CLEC4D: variants seen among roughly 807,000 people sequenced by gnomAD.
CLEC4D encodes C-type (calcium dependent, carbohydrate-recognition domain) lectin, superfamily member 8.
In CLEC4D, 21 loss-of-function variants were observed where a neutral mutation model predicts 21.1. The ratio of observed to expected loss-of-function variants is 1.00; its 90% CI spans 0.71 to 1.43. CLEC4D has a LOEUF of 1.43. CLEC4D is among the 40% of genes most tolerant of loss of function. CLEC4D has a pLI of 0.00. For missense variants in CLEC4D, 289 were observed against 260.7 expected (o/e 1.11, Z -0.75); for synonymous variants, 85 against 83.1 (o/e 1.02, Z -0.12).
At position 8,513,714 on chromosome 12, in the gene CLEC4D, A is replaced by AC; in HGVS notation, c.-18dup. 1 of 1,053,612 alleles carries AC rather than the reference A, an allele frequency of 9.5e-7. No homozygotes were observed. The highest frequency in any genetic ancestry group is 1.3e-5 in the South Asian group (1 of 79,432). The allele number at this position is 1,053,612 out of a possible 1,614,324, so 65.3% of individuals were successfully genotyped here. A position where few individuals can be genotyped will look rare whatever the true frequency, so the allele number is the denominator to read the frequency against. On this transcript the variant is annotated 5_prime_UTR_variant, in exon 1 of 6. Coordinates refer to ENST00000299665, the MANE Select transcript of CLEC4D (RefSeq NM_080387.5). The stretch of plus-strand genomic sequence containing the variant: ...AAATTCTTGCCGTCCTGACCATTGA[A>AC]CAAGAGACTAATTAGACAATGGGGC...
intron 3 of CLEC4D, 134 bp from the exon 4 acceptor site, chr12:8,518,875 G>A (rs1940418586): frequency 7.2e-7 from 1 of 1,398,600 alleles, no homozygotes; most frequent in Non-Finnish European, 9.4e-7. Flanking sequence ...TTTGGTAGGA[G>A]AACAGAATAA....
chr12:8,526,883 T>C (rs1264624394), downstream of CLEC4D, among the ~76,000 whole-genome samples: 1 of 150,110 alleles, frequency 6.7e-6, no homozygotes, highest in Non-Finnish European at 1.5e-5. Context: ...GGGGGCCCTT[T>C]TGTTGTTGTT....
At chr12:8,530,905 G>A in the CLEC4D span, among the ~76,000 whole-genome samples, 20 of 152,072 alleles carry the variant, frequency 1.3e-4, no homozygotes, top group Non-Finnish European at 2.6e-4. Flanking sequence ...AGAGTAAACC[G>A]TGCGAAATTT....
At chr12:8,520,891 G>A (rs1023685303) in intron 5 of CLEC4D, among the ~76,000 whole-genome samples, 3 of 152,104 alleles carry the variant, frequency 2.0e-5, no homozygotes, top group African/African-American at 7.2e-5. Flanking sequence ...TTGGCACTAA[G>A]TCTTCAAAAT....
In CLEC4D at chr12:8,522,063, T is replaced by C. The variant is rs1324404825; in HGVS notation, c.*792T>C. 6.6e-6 allele frequency: 1 copy of C among 152,148 alleles called. No individual in the cohort carries two copies. The highest frequency in any genetic ancestry group is 2.4e-5 in the African/African-American group (1 of 41,450). The allele number at this position is 152,148 out of a possible 1,614,324, so 9.4% of individuals were successfully genotyped here. ...GAGATAACATACATTCCCTTTGGTATCACAGGAAGTTACTGGGGATTACTC... is the reference window on the plus strand; with the variant it reads ...GAGATAACATACATTCCCTTTGGTACCACAGGAAGTTACTGGGGATTACTC... On this transcript the variant is annotated 3_prime_UTR_variant, in exon 6 of 6. Coordinates refer to ENST00000299665, the MANE Select transcript of CLEC4D (RefSeq NM_080387.5).
chr12:8,525,884 G>A (rs893280574), downstream of CLEC4D, among the ~76,000 whole-genome samples: 12 of 152,094 alleles, frequency 7.9e-5, no homozygotes, highest in South Asian at 2.1e-4. Flanking sequence ...CAGGCCTGGC[G>A]GTAACGAAAT....
At chr12:8,519,719 G>C (rs1288426828) in intron 4 of CLEC4D, among the ~76,000 whole-genome samples, 3 of 152,156 alleles carry the variant, frequency 2.0e-5, no homozygotes, top group Admixed American at 6.5e-5. Context: ...AGAAATCTTA[G>C]GGTAAATTCT....
At chr12:8,528,317 G>A in the CLEC4D span, among the ~76,000 whole-genome samples, 1 of 152,174 alleles carries the variant, frequency 6.6e-6, no homozygotes, top group African/African-American at 2.4e-5. Context: ...CCCTCACTGT[G>A]TGATCCCTGT....
At chr12:8,518,427 T>A (rs1940413261) in intron 3 of CLEC4D, among the ~76,000 whole-genome samples, 153 bp downstream of exon 3, 1 of 152,232 alleles carries the variant, frequency 6.6e-6, no homozygotes, top group South Asian at 2.1e-4. Flanking sequence ...TAAGATAGAA[T>A]TATTTCTCAT....
At chr12:8,526,082 G>A (rs1591722057), downstream of CLEC4D, among the ~76,000 whole-genome samples, 1 of 152,042 alleles carries the variant, frequency 6.6e-6, no homozygotes, top group Non-Finnish European at 1.5e-5. Flanking sequence ...GCTTCTTTTT[G>A]TAGGTACCTG....
At chr12:8,523,315 C>A (rs1396018372), downstream of CLEC4D, among the ~76,000 whole-genome samples, 1 of 152,164 alleles carries the variant, frequency 6.6e-6, no homozygotes, top group Non-Finnish European at 1.5e-5. Flanking sequence ...AATATTGATT[C>A]TTCCTATCCA....
In CLEC4D at chr12:8,520,223, C is replaced by T; in HGVS notation, c.385-3C>T. On this transcript the variant is annotated splice_polypyrimidine_tract_variant and splice_region_variant and intron_variant, in intron 4 of 5. Coordinates refer to ENST00000299665, the MANE Select transcript of CLEC4D (RefSeq NM_080387.5). ...CTATATTAAAATTTACATTTTTATG[C>T]AGAACTTTATTATTCAGTTTCTGGA... is the stretch of plus-strand genomic sequence containing the variant. The T allele has an allele frequency of 1.9e-6, 3 of 1,613,194 alleles. No homozygotes were observed. The highest frequency in any genetic ancestry group is 2.5e-6 in the Non-Finnish European group (3 of 1,179,392).
downstream of CLEC4D, among the ~76,000 whole-genome samples, chr12:8,525,843 T>C (rs1012045677): frequency 6.6e-6 from 1 of 152,194 alleles, no homozygotes; most frequent in Admixed American, 6.5e-5. Context: ...ACTTTCCATA[T>C]TTAGTGATTC....
chr12:8,518,272 A>C lies in CLEC4D; in HGVS notation c.230A>C (p.Glu77Ala). ...GAGAAATCAGAACTGAAAAGTGCTG[A>C]AGGTACAGAGTGTAAGATAATTTCT... ...IKEKSELKSAEGSTWNCCPID... is the reference protein window; with the variant it reads ...IKEKSELKSAAGSTWNCCPID... Residue 77 changes from glutamate (E) to alanine (A), a missense_variant and splice_region_variant, in exon 3 of 6, where the codon GAA becomes GCA. Physicochemically the swap from Glu to Ala is moderately radical, Grantham distance 107. Transcript: ENST00000299665. The C allele has an allele frequency of 9.1e-7, 1 of 1,102,416 alleles. No homozygotes were observed. The highest frequency in any genetic ancestry group is 2.4e-5 in the East Asian group (1 of 42,376). The allele number at this position is 1,102,416 out of a possible 1,614,324, so 68.3% of individuals were successfully genotyped here. A position where few individuals can be genotyped will look rare whatever the true frequency, so the allele number is the denominator to read the frequency against.
intron 5 of CLEC4D, 85 bp downstream of exon 5, chr12:8,520,426 A>G (rs2136388304): frequency 2.6e-6 from 4 of 1,531,890 alleles, no homozygotes; most frequent in East Asian, 4.6e-5. Context: ...AGTGGAGTAC[A>G]TTGATATAAA....
chr12:8,515,360 G>A lies in CLEC4D; in HGVS notation c.121+32G>A, dbSNP rs80326858. 3.0e-3 allele frequency: 2,897 copies of A among 979,054 alleles called. 47 individuals carry two copies. In the African/African-American group the frequency reaches 0.034, roughly 11 times the overall value. The allele number at this position is 979,054 out of a possible 1,614,324, so 60.6% of individuals were successfully genotyped here. On this transcript the variant is annotated intron_variant, in intron 2 of 5. Transcript: ENST00000299665. ...TATTAGCCAAAGTAGAACTCTTCTT[G>A]AATTATTATTTCCAAACAACTTTTC... is the stretch of plus-strand genomic sequence containing the variant.
chr12:8,530,947 C>T, the CLEC4D span, among the ~76,000 whole-genome samples: 1 of 152,210 alleles, frequency 6.6e-6, no homozygotes, highest in African/African-American at 2.4e-5. Context: ...TATGCTGACC[C>T]GCTCAGGCTC....
In CLEC4D at chr12:8,521,387, A is replaced by C. The variant is rs762447397; in HGVS notation, c.*116A>C. On this transcript the variant is annotated 3_prime_UTR_variant, in exon 6 of 6. Coordinates refer to ENST00000299665, the MANE Select transcript of CLEC4D (RefSeq NM_080387.5). ...ACATGCTGGTTCATACAGCGTTTTT[A>C]GTCATAATGGTCTTTTTTATTTTGT... is the stretch of plus-strand genomic sequence containing the variant. 4.8e-6 allele frequency: 7 copies of C among 1,465,072 alleles called. No individual in the cohort carries two copies. The highest frequency in any genetic ancestry group is 6.3e-6 in the Non-Finnish European group (7 of 1,113,180). The allele number at this position is 1,465,072 out of a possible 1,614,324, so 90.8% of individuals were successfully genotyped here.
chr12:8,518,462 A>G (rs1311020442), intron 3 of CLEC4D, among the ~76,000 whole-genome samples, 188 bp downstream of exon 3: 1 of 152,246 alleles, frequency 6.6e-6, no homozygotes, highest in Non-Finnish European at 1.5e-5. Context: ...TAATAACCGG[A>G]GAATATAGCT....
Sources: gnomAD v4.1 joint callset for allele counts (sites outside exome capture counted in the v4.1 genomes callset) on GRCh38, gnomAD v4.1.1 for gene constraint, MANE v1.5 for transcripts, NCBI Gene and HGNC (gene_info 2026-07-23, HGNC 2026-07-21) for gene names.